The following SLC22A23 variants were observed in gnomAD, a reference collection of about 807,000 sequenced individuals.
SLC22A23 encodes the protein ion transporter protein.
Under a neutral mutation model 61.0 loss-of-function variants are expected in SLC22A23, and 26 were observed. The ratio of observed to expected loss-of-function variants is 0.43; its 90% confidence interval spans 0.31 to 0.59. The LOEUF is 0.59. Among genes scored for constraint, SLC22A23 ranks in the 20% least tolerant of loss-of-function variants. SLC22A23 has a pLI of 0.11. For synonymous variants in SLC22A23, 430 were observed against 413.9 expected (o/e 1.04, Z -0.47); for missense variants, 796 against 934.7 (o/e 0.85, Z 1.94).
Position 3,456,206 on chromosome 6 carries a change from C to G in SLC22A23, c.354G>C (p.Ser118=). ...LFIGFSQFSD[S]FLLDQPNFWC... ...AGAAGTTGGGCTGGTCCAGGAGGAA[C>G]GAGTCCGAGAACTGGCTGAAGCCGA... Residue 118 remains serine (S), a synonymous_variant, in exon 1 of 10, where the codon TCG becomes TCC. Transcript: ENST00000406686. The surrounding 1 kb of genome is among the most constrained non-coding windows in gnomAD (Gnocchi z 7.1). The G allele has an allele frequency of 2.6e-6, 4 of 1,551,300 alleles. No individual in the cohort carries two copies. The highest frequency in any genetic ancestry group is 3.5e-6 in the Non-Finnish European group (4 of 1,146,838).
At chr6:3,424,709 GCTGT>G (rs1440436318) in intron 1 of SLC22A23, among the ~76,000 whole-genome samples, 6 of 152,268 alleles carry the variant, frequency 3.9e-5, no homozygotes, top group South Asian at 2.1e-4. Context: ...ACACAGCCCT[GCTGT>G]CTGTGTTTGT....
intron 3 of SLC22A23, among the ~76,000 whole-genome samples, chr6:3,347,479 A>C (rs928741171): frequency 2.0e-5 from 3 of 151,924 alleles, no homozygotes; most frequent in Non-Finnish European, 1.5e-5. Context: ...CACCAGGAGC[A>C]CTTAGTCATT....
intron 3 of SLC22A23, among the ~76,000 whole-genome samples, chr6:3,346,699 G>A (rs1011219004): frequency 1.3e-5 from 2 of 152,106 alleles, no homozygotes; most frequent in Non-Finnish European, 2.9e-5. Flanking sequence ...GGGAGTCCAT[G>A]GGAGCTGTGC....
chr6:3,379,803 A>G (rs1038944956), intron 3 of SLC22A23, among the ~76,000 whole-genome samples: 1 of 152,118 alleles, frequency 6.6e-6, no homozygotes, highest in Admixed American at 6.5e-5. Context: ...CCTGATGACT[A>G]CTCAACGAGC....
At chr6:3,287,881 C>T (rs1192595995) in intron 6 of SLC22A23, among the ~76,000 whole-genome samples, 1 of 152,122 alleles carries the variant, frequency 6.6e-6, no homozygotes, top group Non-Finnish European at 1.5e-5. Flanking sequence ...GACAGGGTTT[C>T]ACCATGTTGG....
intron 1 of SLC22A23, among the ~76,000 whole-genome samples, chr6:3,451,845 G>C (rs1014178538): frequency 1.3e-5 from 2 of 152,212 alleles, no homozygotes; most frequent in Non-Finnish European, 2.9e-5. Flanking sequence ...TCAACTTGAT[G>C]ATTTTTTGAC....
At chr6:3,436,411 C>T (rs1771214540) in intron 1 of SLC22A23, among the ~76,000 whole-genome samples, 1 of 152,224 alleles carries the variant, frequency 6.6e-6, no homozygotes, top group African/African-American at 2.4e-5. Flanking sequence ...GCTGGGATTA[C>T]AGGCGTAAGC....
Position 3,297,999 on chromosome 6 carries a change from A to G in SLC22A23, c.1210+92T>C, listed in dbSNP as rs946707493. Reference sequence around the variant, plus strand: ...TCACAGGAGAATTGCACAGCTGGTTAAAACAGCTGTTTGTGCAACAAAACC... The same window carrying G: ...TCACAGGAGAATTGCACAGCTGGTTGAAACAGCTGTTTGTGCAACAAAACC... On this transcript the variant is annotated intron_variant, in intron 5 of 9. Transcript: ENST00000406686. The surrounding 1 kb of genome is among the most constrained non-coding windows in gnomAD (Gnocchi z 4.3). 2 of 1,380,002 alleles carry G rather than the reference A, an allele frequency of 1.4e-6. No homozygotes were observed. The highest frequency in any genetic ancestry group is 1.9e-6 in the Non-Finnish European group (2 of 1,054,020). 85.5% of individuals were successfully genotyped at this position (1,380,002 alleles called of 1,614,324 possible).
intron 1 of SLC22A23, among the ~76,000 whole-genome samples, chr6:3,426,905 T>A (rs1345622762): frequency 6.6e-6 from 1 of 152,250 alleles, no homozygotes; most frequent in East Asian, 1.9e-4. Flanking sequence ...TTTACCCATT[T>A]GGACTTTGTC....
rs1761263463 is a variant in SLC22A23, at chr6:3,297,987, G to C, written c.1210+104C>G. On this transcript the variant is annotated intron_variant, in intron 5 of 9. Coordinates refer to ENST00000406686, the MANE Select transcript of SLC22A23 (RefSeq NM_015482.2). The surrounding 1 kb of genome is among the most constrained non-coding windows in gnomAD (Gnocchi z 4.3). ...CAGGCCAAAAGGTCACAGGAGAATTGCACAGCTGGTTAAAACAGCTGTTTG... is the reference window on the plus strand; with the variant it reads ...CAGGCCAAAAGGTCACAGGAGAATTCCACAGCTGGTTAAAACAGCTGTTTG... 1 of 1,329,066 alleles carries C rather than the reference G, an allele frequency of 7.5e-7. No individual in the cohort carries two copies. The highest frequency in any genetic ancestry group is 3.0e-5 in the Admixed American group (1 of 33,802). The allele number at this position is 1,329,066 out of a possible 1,614,324, so 82.3% of individuals were successfully genotyped here. A position where few individuals can be genotyped will look rare whatever the true frequency, so the allele number is the denominator to read the frequency against.
In SLC22A23 at chr6:3,356,340, A is replaced by G. The variant is rs185380783; in HGVS notation, c.914-32338T>C. 4.4e-4 allele frequency among the ~76,000 whole-genome samples: 67 copies of G among 151,680 alleles called. 1 individual carries two copies. Among genetic ancestry groups the G allele is most frequent in the South Asian group, 1.3e-3 (6 of 4,786 alleles). ...ACCGCTGACAGGATTGGATGGTAAA[A>G]CAGTGTCTTAGATCCACCCTCGGTG... On this transcript the variant is annotated intron_variant, in intron 3 of 9. Transcript: ENST00000406686.
At position 3,286,762 on chromosome 6, in the gene SLC22A23, A is replaced by G; in HGVS notation, c.1546+97T>C. 2 of 1,043,694 alleles carry G rather than the reference A, an allele frequency of 1.9e-6. No homozygotes were observed. The highest frequency in any genetic ancestry group is 2.8e-6 in the Non-Finnish European group (2 of 707,834). 64.7% of individuals were successfully genotyped at this position (1,043,694 alleles called of 1,614,324 possible). ...GCAGCTCCTTCCAGCAGTAGATTTT[A>G]GAGTGGCCAGCGGAGTCTTATGCAG... On this transcript the variant is annotated intron_variant, in intron 7 of 9. Coordinates refer to ENST00000406686, the MANE Select transcript of SLC22A23 (RefSeq NM_015482.2). This position sits in a 1 kb window ranked among gnomAD's most constrained non-coding sequence, Gnocchi z 4.2.
chr6:3,306,968 A>G (rs1299179531), intron 4 of SLC22A23, among the ~76,000 whole-genome samples: 1 of 152,210 alleles, frequency 6.6e-6, no homozygotes, highest in African/African-American at 2.4e-5. Context: ...CTTCCCACCA[A>G]GCAGGCGTCA....
intron 1 of SLC22A23, among the ~76,000 whole-genome samples, chr6:3,420,442 C>T (rs1027756679): frequency 3.3e-5 from 5 of 151,876 alleles, no homozygotes; most frequent in Non-Finnish European, 5.9e-5. Flanking sequence ...TTATTTTCCA[C>T]AGTAATGAAT....
chr6:3,295,166 C>T (rs1345200458), intron 5 of SLC22A23, among the ~76,000 whole-genome samples: 3 of 152,254 alleles, frequency 2.0e-5, no homozygotes, highest in African/African-American at 7.2e-5. Context: ...TGCCGCTCTG[C>T]AGGGGTGACA....
At chr6:3,358,148 G>C (rs919621994) in intron 3 of SLC22A23, among the ~76,000 whole-genome samples, 1 of 152,196 alleles carries the variant, frequency 6.6e-6, no homozygotes, top group Non-Finnish European at 1.5e-5. Context: ...CAGCCATTAT[G>C]GAAAACAGTA....
intron 1 of SLC22A23, among the ~76,000 whole-genome samples, chr6:3,447,583 CTTTTTTTTT>C (rs757788904): frequency 1.8e-5 from 2 of 113,410 alleles, no homozygotes; most frequent in South Asian, 2.9e-4. Context: ...AAGAAACTTT[CTTTTTTTTT>C]TTTTTTTTTT....
rs907512966 is a variant in SLC22A23 at position 3,387,927 on chromosome 6, G to A, written c.913+22261C>T. On this transcript the variant is annotated intron_variant, in intron 3 of 9. Transcript: ENST00000406686. The surrounding 1 kb of genome is among the most constrained non-coding windows in gnomAD (Gnocchi z 5.0). ...AGTCTGTGCCACGGCATCTCCTTTC[G>A]GTGGAATTCGTGCTGTTCCTGCTGC... 4.6e-5 allele frequency among the ~76,000 whole-genome samples: 7 copies of A among 152,142 alleles called. No homozygotes were observed. The highest frequency in any genetic ancestry group is 1.4e-4 in the African/African-American group (6 of 41,414).
intron 3 of SLC22A23, among the ~76,000 whole-genome samples, chr6:3,373,010 C>T (rs962963878): frequency 6.6e-6 from 1 of 152,190 alleles, no homozygotes; most frequent in Non-Finnish European, 1.5e-5. Context: ...GCCTGCGAGG[C>T]TGGTTCTTGG....
Sources: allele counts gnomAD v4.1 joint callset (sites outside exome capture counted in the v4.1 genomes callset), GRCh38; gene constraint gnomAD v4.1.1; non-coding constraint Gnocchi (gnomAD v3.1); transcripts MANE v1.5; gene names NCBI Gene and HGNC (gene_info 2026-07-23, HGNC 2026-07-21).